Variants in PPM1H observed in about 807,000 individuals in gnomAD.
PPM1H encodes protein phosphatase, Mg2+/Mn2+ dependent 1H.
Under a neutral mutation model 54.9 loss-of-function variants are expected in PPM1H, and 27 were observed. The observed-to-expected ratio is 0.49, with a 90% confidence interval of 0.36 to 0.68. The LOEUF (loss-of-function observed/expected upper bound fraction) is 0.68. Ranked by LOEUF, PPM1H falls within the 30% of genes least tolerant of loss-of-function variation. The pLI, the probability that PPM1H is intolerant of heterozygous loss-of-function variation, is 0.00. For missense variants in PPM1H, 596 were observed against 667.8 expected (o/e 0.89, Z 1.19); for synonymous variants, 305 against 270.8 (o/e 1.13, Z -1.24).
chr12:62,759,829 T>A (rs376654789), intron 4 of PPM1H, among the ~76,000 whole-genome samples: 1 of 136,770 alleles, frequency 7.3e-6, no homozygotes, highest in African/African-American at 2.8e-5. Flanking sequence ...CCTCCCACCC[T>A]GTTTCCACTT....
intron 3 of PPM1H, among the ~76,000 whole-genome samples, chr12:62,796,658 G>A (rs1175402007): frequency 6.6e-6 from 1 of 152,124 alleles, no homozygotes; most frequent in African/African-American, 2.4e-5. Flanking sequence ...GGGCCTTTAT[G>A]GAGACCTCAT....
intron 1 of PPM1H, among the ~76,000 whole-genome samples, chr12:62,929,384 T>G (rs932063754): frequency 3.3e-5 from 5 of 152,170 alleles, no homozygotes; most frequent in Non-Finnish European, 7.4e-5. Context: ...AATCCTCCCT[T>G]TAAATTAGGC....
At chr12:62,837,486 C>T (rs936819586) in intron 1 of PPM1H, among the ~76,000 whole-genome samples, 1 of 152,232 alleles carries the variant, frequency 6.6e-6, no homozygotes, top group Non-Finnish European at 1.5e-5. Flanking sequence ...AGTCACTCAA[C>T]ACCAACTCTC....
chr12:62,659,061 G>A (rs954334262), intron 9 of PPM1H: 99 of 726,614 alleles, frequency 1.4e-4, no homozygotes, highest in Middle Eastern at 6.7e-4. Context: ...GATCCACAGC[G>A]TCAAGGAGCC....
chr12:62,687,502 T>C (rs1281487024), intron 8 of PPM1H, among the ~76,000 whole-genome samples: 2 of 151,996 alleles, frequency 1.3e-5, no homozygotes, highest in African/African-American at 4.8e-5. Context: ...CCTCCTGCCT[T>C]AGCCGCCCAA....
intron 2 of PPM1H, among the ~76,000 whole-genome samples, chr12:62,806,056 GA>G (rs1345517727): frequency 6.6e-6 from 1 of 152,028 alleles, no homozygotes; most frequent in Non-Finnish European, 1.5e-5. Context: ...AAAACACTAA[GA>G]AAAATAAATA....
intron 9 of PPM1H, among the ~76,000 whole-genome samples, chr12:62,657,566 C>T (rs2075852032): frequency 1.3e-5 from 2 of 152,088 alleles, no homozygotes; most frequent in South Asian, 4.1e-4. Flanking sequence ...CTTCAGACAC[C>T]AGATCAAACA....
intron 1 of PPM1H, among the ~76,000 whole-genome samples, chr12:62,839,877 A>G (rs866848329): frequency 1.2e-4 from 16 of 136,900 alleles, no homozygotes; most frequent in Non-Finnish European, 2.5e-4. Context: ...GTTTCTACAA[A>G]AAAAAAAAAA....
intron 9 of PPM1H, among the ~76,000 whole-genome samples, chr12:62,658,142 G>A (rs534928266): frequency 5.7e-4 from 84 of 148,096 alleles, no homozygotes; most frequent in Non-Finnish European, 1.1e-3. Flanking sequence ...CAAGGCAGAG[G>A]CAGGAGGATT....
intron 9 of PPM1H, among the ~76,000 whole-genome samples, chr12:62,666,790 T>C (rs2075920024): frequency 6.6e-6 from 1 of 152,180 alleles, no homozygotes; most frequent in African/African-American, 2.4e-5. Flanking sequence ...CTCAGCTCAC[T>C]GCAACCTCTA....
chr12:62,843,484 A>G (rs1868834549), intron 1 of PPM1H, among the ~76,000 whole-genome samples: 1 of 152,230 alleles, frequency 6.6e-6, no homozygotes, highest in African/African-American at 2.4e-5. Context: ...TAGGTGAGCC[A>G]TTCTGATATC....
rs570040186 is a variant in PPM1H at position 62,906,196 on chromosome 12, T to A, written c.245+28296A>T. On this transcript the variant is annotated intron_variant, in intron 1 of 9. Transcript: ENST00000228705. ...ATTGTGGAAATGTACTAGTACTATA[T>A]TACTGTAGAAAAGTCTCAAAATGCA... is the stretch of plus-strand genomic sequence containing the variant. 1.1e-3 allele frequency among the ~76,000 whole-genome samples: 171 copies of A among 152,338 alleles called. 1 individual carries two copies. The highest frequency in any genetic ancestry group is 3.8e-3 in the African/African-American group (158 of 41,572).
chr12:62,799,407 C>G (rs1336910430), intron 3 of PPM1H, among the ~76,000 whole-genome samples: 1 of 152,168 alleles, frequency 6.6e-6, no homozygotes, highest in African/African-American at 2.4e-5. Flanking sequence ...AAAATCTCAA[C>G]GTTTCCTTTA....
intron 1 of PPM1H, among the ~76,000 whole-genome samples, chr12:62,859,597 C>T (rs568008752): frequency 6.6e-6 from 1 of 152,332 alleles, no homozygotes; most frequent in African/African-American, 2.4e-5. Flanking sequence ...CCTAATTCCT[C>T]TTCCAAATTT....
intron 6 of PPM1H, among the ~76,000 whole-genome samples, chr12:62,709,341 C>T (rs1203518536): frequency 1.3e-5 from 2 of 152,182 alleles, no homozygotes; most frequent in Non-Finnish European, 1.5e-5. Flanking sequence ...ATGCCTGGCA[C>T]AGCAGGGAGG....
chr12:62,672,385 G>A (rs957120245), intron 8 of PPM1H, among the ~76,000 whole-genome samples: 12 of 152,180 alleles, frequency 7.9e-5, no homozygotes, highest in African/African-American at 1.2e-4. Flanking sequence ...CTGAAACACC[G>A]CTGGCATCTT....
chr12:62,698,561 G>A (rs3951389), intron 6 of PPM1H, among the ~76,000 whole-genome samples: 13,972 of 152,064 alleles, frequency 0.092, 669 homozygotes, highest in African/African-American at 0.11. Context: ...GCCCTCTAGG[G>A]TCTTTCTGGT....
chr12:62,764,246 G>A (rs1267162706), intron 4 of PPM1H, among the ~76,000 whole-genome samples: 2 of 152,162 alleles, frequency 1.3e-5, no homozygotes, highest in South Asian at 4.1e-4. Flanking sequence ...TGGAGGCACC[G>A]TCTAGGGACA....
chr12:62,904,429 G>A (rs930983628), intron 1 of PPM1H, among the ~76,000 whole-genome samples: 2 of 151,932 alleles, frequency 1.3e-5, no homozygotes, highest in Admixed American at 6.6e-5. Context: ...TTGTAGAGAT[G>A]GGCTTTCTCC....
Sources: allele counts gnomAD v4.1 joint callset (sites outside exome capture counted in the v4.1 genomes callset), GRCh38; gene constraint gnomAD v4.1.1; transcripts MANE v1.5; gene names NCBI Gene and HGNC (gene_info 2026-07-23, HGNC 2026-07-21).